The following DNAH2 variants were observed in gnomAD, a reference collection of about 807,000 sequenced individuals.
The protein encoded by DNAH2 is axonemal beta dynein heavy chain 2.
DNAH2 carries 323 observed loss-of-function variants against 523.5 expected under a neutral mutation model. The observed-to-expected ratio is 0.62, with a 90% CI of 0.56 to 0.68. The LOEUF (loss-of-function observed/expected upper bound fraction) is 0.68, where lower values mean the gene tolerates loss of function less well. Among genes scored for constraint, DNAH2 ranks in the 30% least tolerant of loss-of-function variants. The pLI is 0.00. For missense variants in DNAH2, 4,907 were observed against 5,701.5 expected, an observed-to-expected ratio of 0.86 and a Z score of 4.49; for synonymous variants, 2,093 against 2,177.4, an observed-to-expected ratio of 0.96 and a Z score of 1.08.
Position 7,789,743 on chromosome 17 carries a change from A to AT in DNAH2, c.6900+1505dup, listed in dbSNP as rs550469972. Among the ~76,000 whole-genome samples the AT allele has an allele frequency of 6.6e-4, 100 of 151,850 alleles. 2 individuals carry two copies. Among genetic ancestry groups the AT allele is most frequent in the African/African-American group, 2.2e-3 (93 of 41,364 alleles). On this transcript the variant is annotated intron_variant, in intron 44 of 85. Transcript: ENST00000572933. Reference sequence around the variant, plus strand: ...AGGTGCCTGCCACCACACCCAGCTAATTTTTTGTACTTTTAGTAGAGATGG... The same window carrying AT: ...AGGTGCCTGCCACCACACCCAGCTAATTTTTTTGTACTTTTAGTAGAGATGG...
At position 7,754,663 on chromosome 17, in the gene DNAH2, T is replaced by G. The variant is rs2075785827; in HGVS notation, c.1905-2428T>G. 11 of 1,338,936 alleles carry G rather than the reference T, an allele frequency of 8.2e-6. No individual in the cohort carries two copies. Among genetic ancestry groups the G allele is most frequent in the Admixed American group, 1.7e-5 (1 of 59,310 alleles). The allele number at this position is 1,338,936 out of a possible 1,614,324, so 82.9% of individuals were successfully genotyped here. A position where few individuals can be genotyped will look rare whatever the true frequency, so the allele number is the denominator to read the frequency against. On this transcript the variant is annotated intron_variant, in intron 12 of 85. Transcript: ENST00000572933. The surrounding 1 kb of genome is among the most constrained non-coding windows in gnomAD (Gnocchi z 4.6). ...ATCCCAAAGGGTGTCAGCCATAAACTTGATCGACTTGCCTACATTGCCCAC... is the reference window on the plus strand; with the variant it reads ...ATCCCAAAGGGTGTCAGCCATAAACGTGATCGACTTGCCTACATTGCCCAC...
intron 4 of DNAH2, 28 bp from the exon 5 acceptor site, chr17:7,733,057 CTG>C (rs2075035412): frequency 5.6e-6 from 9 of 1,608,052 alleles, no homozygotes; most frequent in Non-Finnish European, 7.7e-6. Context: ...GGCCTGGAGA[CTG>C]AACTCTGATC....
At chr17:7,720,800 A>G (rs1841884297) in intron 2 of DNAH2, among the ~76,000 whole-genome samples, 1 of 152,116 alleles carries the variant, frequency 6.6e-6, no homozygotes, top group African/African-American at 2.4e-5. Context: ...TATCCTTCTG[A>G]GTTCTGAAGT....
At position 7,805,387 on chromosome 17, in the gene DNAH2, C is replaced by G; in HGVS notation, c.9436C>G (p.Gln3146Glu). Reference sequence around the variant, plus strand: ...GCCCACATGGGCAGAGGCCAAGAGGCAGCTAGGTAAGCTAGAGACAATGAA... The same window carrying G: ...GCCCACATGGGCAGAGGCCAAGAGGGAGCTAGGTAAGCTAGAGACAATGAA... ...NEPTWAEAKRQLGEQNFIKSL... is the reference protein window; with the variant it reads ...NEPTWAEAKRELGEQNFIKSL... The change falls in exon 61 of 86, where the codon CAG becomes GAG. Residue 3146 changes from glutamine to glutamate, a missense_variant. Physicochemically the swap from Gln to Glu is conservative, Grantham distance 29. Coordinates refer to ENST00000572933, the MANE Select transcript of DNAH2 (RefSeq NM_020877.5). 1 of 1,614,190 alleles carries G rather than the reference C, an allele frequency of 6.2e-7. No homozygotes were observed. Among genetic ancestry groups the G allele is most frequent in the Non-Finnish European group, 8.5e-7 (1 of 1,180,024 alleles).
At chr17:7,788,033 G>C in intron 43 of DNAH2, 36 bp downstream of exon 43, 1 of 1,613,272 alleles carries the variant, frequency 6.2e-7, no homozygotes, top group Non-Finnish European at 8.5e-7. Context: ...AAGTAACCAG[G>C]GTGGCTCCAG....
At chr17:7,747,551 G>A (rs1214280730) in intron 12 of DNAH2, among the ~76,000 whole-genome samples, 1 of 152,112 alleles carries the variant, frequency 6.6e-6, no homozygotes, top group Non-Finnish European at 1.5e-5. Context: ...TGTCCCTCTA[G>A]TTAGGATAAA....
At chr17:7,722,182 A>G (rs1266726940) in intron 2 of DNAH2, among the ~76,000 whole-genome samples, 2 of 38,110 alleles carry the variant, frequency 5.2e-5, no homozygotes, top group East Asian at 1.8e-3. Flanking sequence ...GTATTTTTAT[A>G]GAGACGGGGG....
chr17:7,817,856 G>T lies in DNAH2; in HGVS notation c.10236G>T (p.Gln3412His), dbSNP rs2151324254. 6.2e-7 allele frequency: 1 copy of T among 1,613,528 alleles called. No homozygotes were observed. The highest frequency in any genetic ancestry group is 2.2e-5 in the East Asian group (1 of 44,778). The change falls in exon 67 of 86, where the codon CAG becomes CAT. Residue 3412 changes from glutamine (Q) to histidine (H), a missense_variant and splice_region_variant. Physicochemically the swap from Gln to His is conservative, Grantham distance 24. This residue lies in a region of DNAH2 where 1,851 missense variants were observed against 2,139.4 expected (regional missense o/e 0.87). Transcript: ENST00000572933. Reference sequence around the variant, plus strand: ...GGATTAAGAACATGGAAGGAGGCCAGGTGTGAGGCTGGGGGGTCAGGTTAG... The same window carrying T: ...GGATTAAGAACATGGAAGGAGGCCATGTGTGAGGCTGGGGGGTCAGGTTAG... ...LKWIKNMEGG[Q>H]GLKIIDLQMS...
At chr17:7,775,705 GAAAA>G (rs34099534) in intron 30 of DNAH2, among the ~76,000 whole-genome samples, 9 of 123,028 alleles carry the variant, frequency 7.3e-5, no homozygotes, top group African/African-American at 2.9e-4. Flanking sequence ...AAAAAAAAAA[GAAAA>G]AAAAAAAAAA....
chr17:7,734,325 C>G (rs184328944), intron 6 of DNAH2, 32 bp downstream of exon 6: 3 of 1,604,216 alleles, frequency 1.9e-6, no homozygotes, highest in Middle Eastern at 1.7e-4. Flanking sequence ...CATCACCTGG[C>G]GATCACAGGG....
intron 77 of DNAH2, among the ~76,000 whole-genome samples, chr17:7,826,401 GTA>G (rs2078019142): frequency 1.3e-5 from 2 of 152,166 alleles, no homozygotes; most frequent in South Asian, 4.1e-4. Context: ...TAGTCCTGGA[GTA>G]TATTCCTGGG....
Position 7,765,580 on chromosome 17 carries a change from A to G in DNAH2, c.3511+15A>G. ...CGAATTCAAAGGTACTCCTTGATCC[A>G]CCTCTCCCGCTTCTTTAGCCTTTGT... On this transcript the variant is annotated intron_variant, in intron 21 of 85. Coordinates refer to ENST00000572933, the MANE Select transcript of DNAH2 (RefSeq NM_020877.5). The G allele has an allele frequency of 6.2e-7, 1 of 1,602,018 alleles. No individual in the cohort carries two copies. The highest frequency in any genetic ancestry group is 8.5e-7 in the Non-Finnish European group (1 of 1,173,832).
At chr17:7,785,201 AAGCGATTCTC>A (rs1186156256) in intron 39 of DNAH2, among the ~76,000 whole-genome samples, 1 of 151,772 alleles carries the variant, frequency 6.6e-6, no homozygotes, top group Non-Finnish European at 1.5e-5. Flanking sequence ...TCCCAGGTTC[AAGCGATTCTC>A]GTGCCTCAGC....
chr17:7,829,643 TA>T (rs1205734089), intron 77 of DNAH2, among the ~76,000 whole-genome samples: 2 of 151,934 alleles, frequency 1.3e-5, no homozygotes, highest in Admixed American at 6.6e-5. Context: ...TAGTTGAACG[TA>T]TATGTACTTA....
intron 1 of DNAH2, 125 bp from the exon 2 acceptor site, chr17:7,719,596 C>T: frequency 8.1e-7 from 1 of 1,230,760 alleles, no homozygotes. Flanking sequence ...GGTGTGGGTA[C>T]CACCAGAAAA....
At chr17:7,815,349 T>C (rs1267873356) in intron 63 of DNAH2, among the ~76,000 whole-genome samples, 2 of 152,362 alleles carry the variant, frequency 1.3e-5, no homozygotes, top group Middle Eastern at 3.4e-3. Flanking sequence ...GTGGGCTGCC[T>C]TTCCCAGTGA....
Position 7,778,480 on chromosome 17 carries a change from T to C in DNAH2, c.5541+11T>C, listed in dbSNP as rs74877413. 4,535 of 1,586,796 alleles carry C rather than the reference T, an allele frequency of 2.9e-3. 123 individuals carry two copies. The African/African-American group carries it at 0.054, about 19-fold the overall frequency. On this transcript the variant is annotated intron_variant, in intron 35 of 85. Transcript: ENST00000572933. ...TCAGGTCTGGCCCAGGTCAGTATCC[T>C]GCCACCCTGTGCCAGAAGCCCCTTA...
chr17:7,775,273 G>A lies in DNAH2; in HGVS notation c.4752G>A (p.Val1584=). 1 of 1,613,554 alleles carries A rather than the reference G, an allele frequency of 6.2e-7. No individual in the cohort carries two copies. Among genetic ancestry groups the A allele is most frequent in the Non-Finnish European group, 8.5e-7 (1 of 1,179,786 alleles). ...VGGPSSKWEA[V]GMFSGDGEYI... ...GGCCCAGCAGCAAATGGGAAGCTGT[G>A]GGGATGTTCTCGGGCGACGGCGAGT... The change falls in exon 30 of 86, where the codon GTG becomes GTA. Residue 1584 remains valine, a synonymous_variant. Transcript: ENST00000572933.
chr17:7,744,908 G>A (rs8077824), intron 12 of DNAH2, among the ~76,000 whole-genome samples: 9,138 of 152,174 alleles, frequency 0.06, 458 homozygotes, highest in Admixed American at 0.12. Flanking sequence ...AGGGCACACA[G>A]TTCACCAGCT....
Sources: allele counts gnomAD v4.1 joint callset (sites outside exome capture counted in the v4.1 genomes callset), GRCh38; gene constraint gnomAD v4.1.1; regional missense constraint gnomAD v4.1.1; non-coding constraint Gnocchi (gnomAD v3.1); transcripts MANE v1.5; gene names NCBI Gene and HGNC (gene_info 2026-07-23, HGNC 2026-07-21).